Variants in NAA30 observed in about 807,000 individuals in gnomAD.
The protein encoded by NAA30 is N-alpha-acetyltransferase 30, NatC catalytic subunit, also known as N-alpha-acetyltransferase 30.
In NAA30, 5 loss-of-function variants were observed where a neutral mutation model predicts 31.4. The ratio of observed to expected loss-of-function variants is 0.16; its 90% CI spans 0.08 to 0.33. NAA30 has a LOEUF of 0.33. Among genes scored for constraint, NAA30 ranks in the 10% least tolerant of loss-of-function variants. NAA30 has a pLI of 1.00. For missense variants in NAA30, 428 were observed against 490.8 expected (o/e 0.87, Z 1.21); for synonymous variants, 222 against 207.1 (o/e 1.07, Z -0.62).
chr14:57,394,059 T>C (rs900167454), intron 2 of NAA30, among the ~76,000 whole-genome samples: 5 of 151,472 alleles, frequency 3.3e-5, no homozygotes, highest in African/African-American at 1.2e-4. Flanking sequence ...TGCCAATACT[T>C]GATTAATAAA....
In NAA30 at chr14:57,412,768, T is replaced by C. The variant is rs924261402; in HGVS notation, c.*3252T>C. 1 of 152,216 alleles carries C rather than the reference T, an allele frequency of 6.6e-6. No individual in the cohort carries two copies. Among genetic ancestry groups the C allele is most frequent in the African/African-American group, 2.4e-5 (1 of 41,452 alleles). 9.4% of individuals were successfully genotyped at this position (152,216 alleles called of 1,614,324 possible). A position where few individuals can be genotyped will look rare whatever the true frequency, so the allele number is the denominator to read the frequency against. On this transcript the variant is annotated 3_prime_UTR_variant, in exon 5 of 5. Coordinates refer to ENST00000556492, the MANE Select transcript of NAA30 (RefSeq NM_001011713.3). ...GTTGTGTTTGCATTTTTCTTTTAGA[T>C]ACAGCTGTGTGCATTTTATGATTGG...
rs924313843 is a variant in NAA30, at chr14:57,412,489, A to G, written c.*2973A>G. ...GAGTTACTTTTCAGTGCACCATGAC[A>G]TCACTAAAATGAGTGCTGTAATGTT... On this transcript the variant is annotated 3_prime_UTR_variant, in exon 5 of 5. Transcript: ENST00000556492. 1 of 152,226 alleles carries G rather than the reference A, an allele frequency of 6.6e-6. No individual in the cohort carries two copies. Among genetic ancestry groups the G allele is most frequent in the African/African-American group, 2.4e-5 (1 of 41,452 alleles). 9.4% of individuals were successfully genotyped at this position (152,226 alleles called of 1,614,324 possible).
chr14:57,393,015 CAATG>C (rs1469549364), intron 2 of NAA30, among the ~76,000 whole-genome samples: 4 of 152,086 alleles, frequency 2.6e-5, no homozygotes, highest in Non-Finnish European at 5.9e-5. Flanking sequence ...ATGTCTGTGT[CAATG>C]AATATGAGAA....
intron 2 of NAA30, among the ~76,000 whole-genome samples, chr14:57,394,797 T>C (rs923041806): frequency 6.6e-6 from 1 of 152,196 alleles, no homozygotes; most frequent in Non-Finnish European, 1.5e-5. Flanking sequence ...GTATTGTGTT[T>C]AATGGTTTTA....
At position 57,408,196 on chromosome 14, in the gene NAA30, C is replaced by T. The variant is rs1379317856; in HGVS notation, c.952-1183C>T. Among the ~76,000 whole-genome samples the T allele has an allele frequency of 2.6e-5, 4 of 152,064 alleles. No homozygotes were observed. In the East Asian group the frequency reaches 7.7e-4, roughly 29 times the overall value. On this transcript the variant is annotated intron_variant, in intron 4 of 4. Transcript: ENST00000556492. The stretch of plus-strand genomic sequence containing the variant: ...TCACTTGGGCCTTTGTTTAATTATA[C>T]TTTGCCATTTCCCCCCCACCCACTC...
intron 4 of NAA30, among the ~76,000 whole-genome samples, chr14:57,400,411 C>T (rs2066470256): frequency 6.6e-6 from 1 of 152,128 alleles, no homozygotes; most frequent in Non-Finnish European, 1.5e-5. Flanking sequence ...TCTTTGTATC[C>T]TACTGCACGG....
chr14:57,401,528 A>G (rs1390823494), intron 4 of NAA30, among the ~76,000 whole-genome samples: 2 of 152,244 alleles, frequency 1.3e-5, no homozygotes, highest in South Asian at 2.1e-4. Context: ...TGTTTGGACC[A>G]TAGCCACACT....
At position 57,413,212 on chromosome 14, in the gene NAA30, T is replaced by G. The variant is rs2066531431; in HGVS notation, c.*3696T>G. On this transcript the variant is annotated 3_prime_UTR_variant, in exon 5 of 5. Transcript: ENST00000556492. ...TGTCTTGTGAGGAGCTTTAAATAGC[T>G]GTGAATACTTCTGTATGTCAAGATT... 6.7e-6 allele frequency: 1 copy of G among 149,794 alleles called. No individual in the cohort carries two copies. The highest frequency in any genetic ancestry group is 6.6e-5 in the Admixed American group (1 of 15,038). 9.3% of individuals were successfully genotyped at this position (149,794 alleles called of 1,614,324 possible). A position where few individuals can be genotyped will look rare whatever the true frequency, so the allele number is the denominator to read the frequency against.
intron 2 of NAA30, among the ~76,000 whole-genome samples, chr14:57,394,829 G>C (rs1053771106): frequency 6.6e-6 from 1 of 152,078 alleles, no homozygotes; most frequent in Admixed American, 6.5e-5. Flanking sequence ...TTTTTGGATA[G>C]TTTTATATAA....
rs1347068946 is a variant in NAA30 at position 57,409,611 on chromosome 14, A to G, written c.*95A>G. ...AATTGCTTTGCAGGTGGATTTAGTAATTTCCATGCAGCTCTTACCTGTCAG... is the reference window on the plus strand; with the variant it reads ...AATTGCTTTGCAGGTGGATTTAGTAGTTTCCATGCAGCTCTTACCTGTCAG... On this transcript the variant is annotated 3_prime_UTR_variant, in exon 5 of 5. Transcript: ENST00000556492. 3 of 1,259,032 alleles carry G rather than the reference A, an allele frequency of 2.4e-6. No homozygotes were observed. In the African/African-American group the frequency reaches 4.6e-5, roughly 19 times the overall value. The allele number at this position is 1,259,032 out of a possible 1,614,324, so 78.0% of individuals were successfully genotyped here. A position where few individuals can be genotyped will look rare whatever the true frequency, so the allele number is the denominator to read the frequency against.
rs375931620 is a variant in NAA30, at chr14:57,391,411, A to C, written c.454A>C (p.Ser152Arg). The C allele has an allele frequency of 4.4e-6, 7 of 1,607,482 alleles. No individual in the cohort carries two copies. Among genetic ancestry groups the C allele is most frequent in the African/African-American group, 1.3e-5 (1 of 74,962 alleles). ...LSSNARTAVPSPVEAAAASDP... is the reference protein window; with the variant it reads ...LSSNARTAVPRPVEAAAASDP... ...TAGTAATGCAAGAACTGCGGTCCCCAGCCCGGTGGAGGCAGCGGCGGCGAG... is the reference window on the plus strand; with the variant it reads ...TAGTAATGCAAGAACTGCGGTCCCCCGCCCGGTGGAGGCAGCGGCGGCGAG... Residue 152 changes from serine to arginine, a missense_variant, in exon 2 of 5, where the codon AGC becomes CGC. Coordinates refer to ENST00000556492, the MANE Select transcript of NAA30 (RefSeq NM_001011713.3). This position sits in a 1 kb window ranked among gnomAD's most constrained non-coding sequence, Gnocchi z 4.1.
chr14:57,398,132 ACT>A (rs1364669966), intron 3 of NAA30, among the ~76,000 whole-genome samples: 1 of 152,184 alleles, frequency 6.6e-6, no homozygotes, highest in Admixed American at 6.5e-5. Flanking sequence ...CCAACCTAAG[ACT>A]CACACACGGT....
intron 3 of NAA30, among the ~76,000 whole-genome samples, chr14:57,398,719 G>A (rs372528421): frequency 2.0e-5 from 3 of 151,962 alleles, no homozygotes; most frequent in South Asian, 2.1e-4. Context: ...TGCAACCTCC[G>A]CCTCCTGTGT....
chr14:57,394,110 T>TAAAAAAAAA, intron 2 of NAA30, among the ~76,000 whole-genome samples: 1 of 137,286 alleles, frequency 7.3e-6, no homozygotes. Flanking sequence ...GTAAAAGATG[T>TAAAAAAAAA]AAAAAAAAAA....
At chr14:57,405,098 A>G (rs2066492966) in intron 4 of NAA30, among the ~76,000 whole-genome samples, 1 of 152,132 alleles carries the variant, frequency 6.6e-6, no homozygotes, top group South Asian at 2.1e-4. Context: ...TGCTTGACCT[A>G]CTTAATGCTA....
At chr14:57,405,190 A>G (rs572824776) in intron 4 of NAA30, among the ~76,000 whole-genome samples, 125 of 152,248 alleles carry the variant, frequency 8.2e-4, no homozygotes, top group South Asian at 2.1e-3. Flanking sequence ...TATTTTGTAC[A>G]ATTAAAAGAA....
At chr14:57,395,546 A>G (rs2066446973) in intron 2 of NAA30, among the ~76,000 whole-genome samples, 2 of 152,214 alleles carry the variant, frequency 1.3e-5, no homozygotes, top group Admixed American at 1.3e-4. Context: ...ATACTGTGTT[A>G]CTAGAACTTT....
intron 4 of NAA30, among the ~76,000 whole-genome samples, chr14:57,403,551 A>C (rs527306971): frequency 6.6e-6 from 1 of 152,192 alleles, no homozygotes; most frequent in Non-Finnish European, 1.5e-5. Flanking sequence ...TAGCTAAAAA[A>C]TTTTTTCATT....
intron 2 of NAA30, among the ~76,000 whole-genome samples, chr14:57,395,489 C>T (rs544321914): frequency 6.6e-6 from 1 of 152,274 alleles, no homozygotes; most frequent in East Asian, 1.9e-4. Context: ...CTTACTGACA[C>T]ATTATTTAAA....
Sources: gnomAD v4.1 joint callset for allele counts (sites outside exome capture counted in the v4.1 genomes callset) on GRCh38, gnomAD v4.1.1 for gene constraint, Gnocchi (gnomAD v3.1) non-coding constraint, MANE v1.5 for transcripts, NCBI Gene and HGNC (gene_info 2026-07-23, HGNC 2026-07-21) for gene names.